DENND2A: variants seen among roughly 807,000 people sequenced by gnomAD.
DENND2A encodes DENN domain containing 2A, also known as DENN domain-containing protein 2A.
DENND2A carries 53 observed loss-of-function variants against 105.3 expected under a neutral mutation model. The ratio of observed to expected loss-of-function variants is 0.50; its 90% CI spans 0.40 to 0.63. The LOEUF is 0.63. Among genes scored for constraint, DENND2A ranks in the 30% least tolerant of loss-of-function variants. The probability of loss-of-function intolerance (pLI) is 0.00; values close to 1 mark genes in which losing one functional copy is unlikely to be tolerated. For synonymous variants in DENND2A, 522 were observed against 508.4 expected, an observed-to-expected ratio of 1.03 and a Z score of -0.36; for missense variants, 1,138 against 1,279.6, an observed-to-expected ratio of 0.89 and a Z score of 1.69.
intron 5 of DENND2A, among the ~76,000 whole-genome samples, chr7:140,583,889 G>A (rs545579225): frequency 1.4e-5 from 2 of 143,100 alleles, no homozygotes; most frequent in East Asian, 2.0e-4. Flanking sequence ...TCGTGCCACT[G>A]CACTCCAGCC....
intron 14 of DENND2A, among the ~76,000 whole-genome samples, chr7:140,533,288 G>A (rs1330782215): frequency 1.3e-5 from 2 of 152,176 alleles, no homozygotes; most frequent in Non-Finnish European, 2.9e-5. Flanking sequence ...ACTGCACCTG[G>A]CTGGCTACCT....
At chr7:140,591,658 T>C (rs536468114) in intron 3 of DENND2A, among the ~76,000 whole-genome samples, 26 of 143,440 alleles carry the variant, frequency 1.8e-4, no homozygotes, top group South Asian at 8.4e-4. Flanking sequence ...TTCCTTCCTT[T>C]CTTTCTTTCT....
intron 13 of DENND2A, 72 bp downstream of exon 13, chr7:140,546,727 C>A: frequency 6.3e-7 from 1 of 1,576,984 alleles, no homozygotes; most frequent in Non-Finnish European, 8.6e-7. Flanking sequence ...AAAGGCAGCC[C>A]CTCTGAGCAC....
chr7:140,542,450 C>T (rs1001790216), intron 14 of DENND2A, among the ~76,000 whole-genome samples: 3 of 152,092 alleles, frequency 2.0e-5, no homozygotes, highest in African/African-American at 7.2e-5. Flanking sequence ...GAGCATGGCC[C>T]TGCAGCCTTC....
At chr7:140,526,222 G>A (rs781674086) in intron 15 of DENND2A, among the ~76,000 whole-genome samples, 7 of 152,156 alleles carry the variant, frequency 4.6e-5, no homozygotes, top group Non-Finnish European at 7.3e-5. Flanking sequence ...GGGAGAGGAG[G>A]AGAGAAACCC....
At chr7:140,518,878 GC>G (rs1230661901) in intron 19 of DENND2A, 140 bp from the exon 20 acceptor site, 1 of 690,864 alleles carries the variant, frequency 1.4e-6, no homozygotes, top group Admixed American at 2.6e-5. Context: ...CTCTGGAGAA[GC>G]CAAAGGGGCT....
At chr7:140,547,015 G>A in intron 12 of DENND2A, 76 bp from the exon 13 acceptor site, 3 of 1,531,812 alleles carry the variant, frequency 2.0e-6, no homozygotes, top group Non-Finnish European at 2.6e-6. Flanking sequence ...AGGTGAAGTG[G>A]GCCTGCCATG....
intron 5 of DENND2A, among the ~76,000 whole-genome samples, chr7:140,578,116 C>T (rs1798382252): frequency 6.6e-6 from 1 of 152,180 alleles, no homozygotes; most frequent in Non-Finnish European, 1.5e-5. Context: ...AGCAAAAGAT[C>T]TGTAGTGTCC....
chr7:140,614,144 C>T (rs964532398), intron 1 of DENND2A, among the ~76,000 whole-genome samples: 5 of 152,086 alleles, frequency 3.3e-5, no homozygotes, highest in Non-Finnish European at 4.4e-5. Flanking sequence ...CACTCTGTCA[C>T]CCAGGCTGGA....
intron 14 of DENND2A, among the ~76,000 whole-genome samples, chr7:140,534,081 A>ATTTTTTTTT (rs3042407): frequency 7.5e-5 from 6 of 80,102 alleles, no homozygotes; most frequent in African/African-American, 2.6e-4. Flanking sequence ...TGCCTGGTTA[A>ATTTTTTTTT]TTTTTTTTTT....
At chr7:140,617,607 G>A (rs1379981388) in intron 1 of DENND2A, among the ~76,000 whole-genome samples, 3 of 152,064 alleles carry the variant, frequency 2.0e-5, no homozygotes, top group African/African-American at 4.8e-5. Context: ...CCAGCTACTC[G>A]GGAGGCTGAG....
intron 5 of DENND2A, among the ~76,000 whole-genome samples, chr7:140,583,243 A>G (rs570304351): frequency 1.3e-5 from 2 of 152,028 alleles, no homozygotes; most frequent in African/African-American, 4.8e-5. Flanking sequence ...CGGGAGGTGG[A>G]GCTTGCAGTG....
At chr7:140,572,824 T>C (rs755742346) in intron 6 of DENND2A, among the ~76,000 whole-genome samples, 1 of 151,934 alleles carries the variant, frequency 6.6e-6, no homozygotes, top group Non-Finnish European at 1.5e-5. Flanking sequence ...ATATGCCACT[T>C]TGGCATATTA....
intron 1 of DENND2A, among the ~76,000 whole-genome samples, chr7:140,610,782 G>T (rs967435525): frequency 7.2e-5 from 11 of 152,224 alleles, no homozygotes; most frequent in African/African-American, 2.7e-4. Flanking sequence ...GGCATTTGGA[G>T]GAGGACCAAG....
intron 1 of DENND2A, among the ~76,000 whole-genome samples, chr7:140,617,879 TCTCA>T (rs1800141548): frequency 6.6e-6 from 1 of 152,082 alleles, no homozygotes; most frequent in Non-Finnish European, 1.5e-5. Context: ...TGCATATCAT[TCTCA>T]CTTTCATAAA....
chr7:140,524,570 C>A (rs1455020017), intron 16 of DENND2A, among the ~76,000 whole-genome samples: 1 of 151,822 alleles, frequency 6.6e-6, no homozygotes, highest in African/African-American at 2.4e-5. Flanking sequence ...TTTTTCCTGT[C>A]TCTTCTCTCT....
At chr7:140,630,593 C>T (rs1490002604) in intron 1 of DENND2A, among the ~76,000 whole-genome samples, 1 of 152,124 alleles carries the variant, frequency 6.6e-6, no homozygotes, top group Admixed American at 6.6e-5. Context: ...ACCTGTAATC[C>T]TAGCACTTTG....
chr7:140,585,759 T>C (rs1223623228), intron 4 of DENND2A, 49 bp from the exon 5 acceptor site: 1 of 1,612,400 alleles, frequency 6.2e-7, no homozygotes, highest in Non-Finnish European at 8.5e-7. Flanking sequence ...TGAGGACATT[T>C]CCCTTTTCAA....
Position 140,601,539 on chromosome 7 carries a change from T to G in DENND2A, c.859A>C (p.Ile287Leu), listed in dbSNP as rs745450247. ...GEGDKDGKPGIGFRKEKRNLP... is the reference protein window; with the variant it reads ...GEGDKDGKPGLGFRKEKRNLP... The stretch of plus-strand genomic sequence containing the variant: ...TTTCTTTTCTCTTTCCTGAAGCCGA[T>G]GCCAGGCTTCCCATCTTTGTCCCCT... Residue 287 changes from isoleucine (I) to leucine (L), a missense_variant, in exon 3 of 20, where the codon ATC (isoleucine) becomes CTC (leucine). By Grantham distance (5) the Ile-to-Leu change is conservative (BLOSUM62 2). Transcript: ENST00000496613. The G allele has an allele frequency of 6.2e-7, 1 of 1,614,058 alleles. No individual in the cohort carries two copies. Among genetic ancestry groups the G allele is most frequent in the East Asian group, 2.2e-5 (1 of 44,890 alleles).
Sources: gnomAD v4.1 joint callset for allele counts (sites outside exome capture counted in the v4.1 genomes callset) on GRCh38, gnomAD v4.1.1 for gene constraint, MANE v1.5 for transcripts, NCBI Gene and HGNC (gene_info 2026-07-23, HGNC 2026-07-21) for gene names.